TBC1D23: variants seen among roughly 807,000 people sequenced by gnomAD.
TBC1D23 encodes HCV non-structural protein 4A-transactivated protein 1.
TBC1D23 carries 55 observed loss-of-function variants against 91.4 expected under a neutral mutation model. That is an observed-to-expected ratio of 0.60 (90% CI 0.48 to 0.75). TBC1D23 has a LOEUF of 0.75. TBC1D23 is among the 30% of genes least tolerant of loss of function. The probability of loss-of-function intolerance (pLI) is 0.00; values close to 1 mark genes in which losing one functional copy is unlikely to be tolerated. For missense variants in TBC1D23, 725 were observed against 836.1 expected, an observed-to-expected ratio of 0.87 and a Z score of 1.64; for synonymous variants, 289 against 281.0, an observed-to-expected ratio of 1.03 and a Z score of -0.28.
intron 10 of TBC1D23, among the ~76,000 whole-genome samples, chr3:100,299,907 G>C (rs1705386967): frequency 6.6e-6 from 1 of 152,140 alleles, no homozygotes; most frequent in African/African-American, 2.4e-5. Flanking sequence ...TCTGAACTTA[G>C]TTTGAGCTAC....
intron 4 of TBC1D23, among the ~76,000 whole-genome samples, chr3:100,287,473 G>C (rs936274783): frequency 6.6e-6 from 1 of 152,222 alleles, no homozygotes. Flanking sequence ...TGGAAGATGA[G>C]ATCATGAACT....
intron 1 of TBC1D23, among the ~76,000 whole-genome samples, chr3:100,270,433 A>G (rs2067591096): frequency 3.9e-5 from 6 of 152,134 alleles, no homozygotes; most frequent in Admixed American, 3.9e-4. Context: ...TTTTGGGTGA[A>G]TGAGAGAGTA....
At position 100,297,935 on chromosome 3, in the gene TBC1D23, C is replaced by G; in HGVS notation, c.889C>G (p.Leu297Val). The G allele has an allele frequency of 2.5e-6, 4 of 1,608,716 alleles. No homozygotes were observed. Among genetic ancestry groups the G allele is most frequent in the East Asian group, 2.2e-5 (1 of 44,686 alleles). The change falls in exon 9 of 19, where the codon CTC (leucine) becomes GTC (valine). Residue 297 changes from leucine to valine, a missense_variant. Physicochemically the swap from Leu to Val is conservative, Grantham distance 32. Coordinates refer to ENST00000394144, the MANE Select transcript of TBC1D23 (RefSeq NM_001199198.3). ...PASFRKDNHH[L>V]FGSTLLGIKD... is the part of the protein sequence containing the mutation. ...TCCCTTCAAACAGGATAATCACCAT[C>G]TCTTTGGTAGTACTTTGTTGGGAAT... is the stretch of plus-strand genomic sequence containing the variant.
rs550169924 is a variant in TBC1D23 at position 100,268,187 on chromosome 3, G to C, written c.53+7116G>C. ...ATAATAATAATAATGATGTCCATGG[G>C]TTATTTTTCCTTTAAACAGTTTCTA... On this transcript the variant is annotated intron_variant, in intron 1 of 18. Coordinates refer to ENST00000394144, the MANE Select transcript of TBC1D23 (RefSeq NM_001199198.3). 5.3e-5 allele frequency among the ~76,000 whole-genome samples: 8 copies of C among 152,060 alleles called. No homozygotes were observed. In the South Asian group the frequency reaches 1.7e-3, roughly 32 times the overall value.
rs527440919 is a variant in TBC1D23 at position 100,323,409 on chromosome 3, A to G, written c.2019-178A>G. 4.6e-5 allele frequency among the ~76,000 whole-genome samples: 7 copies of G among 152,286 alleles called. No individual in the cohort carries two copies. The South Asian group carries it at 1.2e-3, about 27-fold the overall frequency. ...TTTCTTTCGAAATAAGCTTTGGATT[A>G]TGTTCAAATAAGCTATGGGAGTACA... On this transcript the variant is annotated intron_variant, in intron 18 of 18. Coordinates refer to ENST00000394144, the MANE Select transcript of TBC1D23 (RefSeq NM_001199198.3).
intron 1 of TBC1D23, among the ~76,000 whole-genome samples, chr3:100,266,522 C>T (rs2067559720): frequency 6.6e-6 from 1 of 152,158 alleles, no homozygotes; most frequent in South Asian, 2.1e-4. Context: ...ACCCTCCTCA[C>T]CCTACCACAG....
intron 14 of TBC1D23, among the ~76,000 whole-genome samples, chr3:100,311,262 G>T (rs1705619528): frequency 6.6e-6 from 1 of 152,092 alleles, no homozygotes; most frequent in African/African-American, 2.4e-5. Flanking sequence ...GCAGTATCCT[G>T]GGAAAACTGA....
rs969512988 is a variant in TBC1D23, at chr3:100,321,047, GTTTC to G, written c.2018+80_2018+83del. On this transcript the variant is annotated intron_variant, in intron 18 of 18. Transcript: ENST00000394144. ...TACTGTAGTTCACTATAAAGAGTTT[GTTTC>G]TTTATTTTGGGGAATGGATGGTGGA... 6.1e-6 allele frequency: 7 copies of G among 1,139,938 alleles called. No individual in the cohort carries two copies. In the African/African-American group the frequency reaches 1.1e-4, roughly 18 times the overall value. The allele number at this position is 1,139,938 out of a possible 1,614,324, so 70.6% of individuals were successfully genotyped here. A position where few individuals can be genotyped will look rare whatever the true frequency, so the allele number is the denominator to read the frequency against.
chr3:100,261,167 C>A, intron 1 of TBC1D23, 96 bp downstream of exon 1: 1 of 1,245,898 alleles, frequency 8.0e-7, no homozygotes, highest in Non-Finnish European at 1.2e-6. Context: ...CGGCATGGAA[C>A]GGAGAGGCCG....
intron 1 of TBC1D23, among the ~76,000 whole-genome samples, chr3:100,279,079 T>C (rs552502873): frequency 1.3e-5 from 2 of 152,250 alleles, no homozygotes; most frequent in Admixed American, 1.3e-4. Context: ...ACTGCTGATA[T>C]GACATGTGAC....
chr3:100,269,998 T>G (rs1210259679), intron 1 of TBC1D23, among the ~76,000 whole-genome samples: 1 of 152,228 alleles, frequency 6.6e-6, no homozygotes, highest in African/African-American at 2.4e-5. Flanking sequence ...TGGGCTGTCA[T>G]GGTTTAATCT....
At chr3:100,266,634 A>G (rs544753040) in intron 1 of TBC1D23, among the ~76,000 whole-genome samples, 81 of 152,350 alleles carry the variant, frequency 5.3e-4, no homozygotes, top group African/African-American at 1.8e-3. Flanking sequence ...TTTAATATCC[A>G]TAATTTGAGT....
In TBC1D23 at chr3:100,279,740, C is replaced by T. The variant is rs2067679354; in HGVS notation, c.145C>T (p.Leu49=). The change falls in exon 2 of 19, where the codon CTG becomes TTG. Residue 49 remains leucine (L), a synonymous_variant. Coordinates refer to ENST00000394144, the MANE Select transcript of TBC1D23 (RefSeq NM_001199198.3). ...IIQGRPLPAD[L]RAKVWKIALN... ...TCAAGGAAGACCGCTGCCTGCTGAT[C>T]TGAGGGCCAAAGTTTGGAAGGTAAC... is the stretch of plus-strand genomic sequence containing the variant. 2 of 1,598,014 alleles carry T rather than the reference C, an allele frequency of 1.3e-6. No homozygotes were observed. The highest frequency in any genetic ancestry group is 3.3e-5 in the Admixed American group (2 of 59,724).
rs144428298 is a variant in TBC1D23, at chr3:100,310,489, T to C, written c.1500T>C (p.Asn500=). Residue 500 remains asparagine, a synonymous_variant, in exon 14 of 19, where the codon AAT becomes AAC. Coordinates refer to ENST00000394144, the MANE Select transcript of TBC1D23 (RefSeq NM_001199198.3). ...MTVALKTKSV[N]VREKVISFIE... is the part of the protein sequence containing the mutation. The stretch of plus-strand genomic sequence containing the variant: ...TGGCTTTGAAGACAAAATCCGTTAA[T>C]GTCAGGGAAAAAGTTATCAGTTTTA... 14 of 1,613,582 alleles carry C rather than the reference T, an allele frequency of 8.7e-6. No individual in the cohort carries two copies. The African/African-American group carries it at 1.5e-4, about 17-fold the overall frequency.
intron 11 of TBC1D23, among the ~76,000 whole-genome samples, chr3:100,304,079 T>C (rs1705477241): frequency 1.4e-5 from 2 of 141,284 alleles, no homozygotes; most frequent in African/African-American, 2.5e-5. Context: ...TGTTGACATT[T>C]GGTTGATGTC....
chr3:100,303,271 G>C (rs1462717336), intron 11 of TBC1D23, among the ~76,000 whole-genome samples: 1 of 152,174 alleles, frequency 6.6e-6, no homozygotes, highest in African/African-American at 2.4e-5. Flanking sequence ...TTCTATTTAT[G>C]TTGTATTTTA....
chr3:100,316,013 T>C (rs779359175), intron 15 of TBC1D23, 86 bp from the exon 16 acceptor site: 12 of 1,092,334 alleles, frequency 1.1e-5, no homozygotes, highest in Non-Finnish European at 1.6e-5. Flanking sequence ...TAATTACATT[T>C]TGTGTGAATA....
At position 100,295,343 on chromosome 3, in the gene TBC1D23, T is replaced by A. The variant is rs2067830093; in HGVS notation, c.767T>A (p.Val256Asp). ...CAAGAGTCAGACAGCAAAGAAGAAGTTATCAGTAAGTATCATTTAATGTAG... is the reference window on the plus strand; with the variant it reads ...CAAGAGTCAGACAGCAAAGAAGAAGATATCAGTAAGTATCATTTAATGTAG... Reference protein sequence around the residue: ...LTQESDSKEEVIKFLENTPSS... With the variant: ...LTQESDSKEEDIKFLENTPSS... The change falls in exon 7 of 19, where the codon GTT (valine) becomes GAT (aspartate). Residue 256 changes from valine (V) to aspartate (D), a missense_variant. By Grantham distance (152) the Val-to-Asp change is radical (BLOSUM62 -3). Transcript: ENST00000394144. The A allele has an allele frequency of 6.2e-7, 1 of 1,607,432 alleles. No individual in the cohort carries two copies. The highest frequency in any genetic ancestry group is 8.5e-7 in the Non-Finnish European group (1 of 1,176,738).
chr3:100,310,165 T>C (rs1705601484), intron 13 of TBC1D23, among the ~76,000 whole-genome samples: 2 of 152,178 alleles, frequency 1.3e-5, no homozygotes. Context: ...CTTTCTCTCT[T>C]ATAAGGACAC....
Sources: gnomAD v4.1 joint callset for allele counts (sites outside exome capture counted in the v4.1 genomes callset) on GRCh38, gnomAD v4.1.1 for gene constraint, MANE v1.5 for transcripts, NCBI Gene and HGNC (gene_info 2026-07-23, HGNC 2026-07-21) for gene names.